Variants in TBC1D21 observed in about 807,000 individuals in gnomAD.
The protein encoded by TBC1D21 is male germ cell Rab GTPase-activating protein.
TBC1D21 carries 38 observed loss-of-function variants against 46.0 expected under a neutral mutation model. The ratio of observed to expected loss-of-function variants is 0.83; its 90% confidence interval spans 0.64 to 1.08. TBC1D21 has a LOEUF of 1.08. Ranked by LOEUF, TBC1D21 falls within the 50% of genes least tolerant of loss-of-function variation. The pLI is 0.00. For synonymous variants in TBC1D21, 151 were observed against 157.2 expected (o/e 0.96, Z 0.29); for missense variants, 415 against 417.9 (o/e 0.99, Z 0.06).
intron 1 of TBC1D21, among the ~76,000 whole-genome samples, chr15:73,877,253 T>C (rs1056851847): frequency 2.0e-5 from 3 of 152,220 alleles, no homozygotes; most frequent in African/African-American, 7.2e-5. Context: ...TATACTTTTA[T>C]TAATTCCTTG....
intron 10 of TBC1D21, 26 bp downstream of exon 10, chr15:73,888,539 C>G (rs943869114): frequency 3.4e-6 from 5 of 1,462,546 alleles, no homozygotes; most frequent in African/African-American, 2.2e-5. Context: ...GATGTGTCCT[C>G]CTCCTCCTCT....
chr15:73,874,049 T>C (rs549165557), intron 1 of TBC1D21, among the ~76,000 whole-genome samples: 1 of 152,364 alleles, frequency 6.6e-6, no homozygotes, highest in South Asian at 2.1e-4. Flanking sequence ...AAGATGCTGA[T>C]AGATTTTCAT....
intron 1 of TBC1D21, among the ~76,000 whole-genome samples, chr15:73,880,718 C>A (rs2068138860): frequency 6.6e-6 from 1 of 151,798 alleles, no homozygotes; most frequent in South Asian, 2.1e-4. Flanking sequence ...TTGCAGTGAG[C>A]CGAGATCCAC....
In TBC1D21 at chr15:73,886,585, C is replaced by T. The variant is rs1463821425; in HGVS notation, c.750C>T (p.Ser250=). The change falls in exon 8 of 11, where the codon TCC becomes TCT. Residue 250 remains serine (S), a synonymous_variant. Coordinates refer to ENST00000300504, the MANE Select transcript of TBC1D21 (RefSeq NM_153356.3). ...FCFCFQRAFK[S]FDDVWRLWEV... ...TCTGCTTCCAGCGTGCCTTCAAGTC[C>T]TTCGATGATGTCTGGAGGCTCTGGG... 6.2e-7 allele frequency: 1 copy of T among 1,613,500 alleles called. No individual in the cohort carries two copies. Among genetic ancestry groups the T allele is most frequent in the African/African-American group, 1.3e-5 (1 of 74,912 alleles).
chr15:73,881,355 G>A (rs374388553), intron 1 of TBC1D21, 44 bp from the exon 2 acceptor site: 8 of 1,454,480 alleles, frequency 5.5e-6, no homozygotes, highest in South Asian at 2.3e-5. Flanking sequence ...CTTAAAAGCC[G>A]AAGCCTTCTA....
At chr15:73,889,033 C>A in intron 10 of TBC1D21, 36 bp from the exon 11 acceptor site, 1 of 1,611,206 alleles carries the variant, frequency 6.2e-7, no homozygotes. Context: ...AGGGACAGAC[C>A]AATGTCTGTG....
intron 1 of TBC1D21, among the ~76,000 whole-genome samples, chr15:73,876,577 G>A (rs576346991): frequency 1.3e-5 from 2 of 151,844 alleles, no homozygotes; most frequent in Non-Finnish European, 2.9e-5. Context: ...ATTCAACCAC[G>A]GCAAAGTAGG....
chr15:73,888,890 C>T (rs889347197), intron 10 of TBC1D21, among the ~76,000 whole-genome samples, 179 bp from the exon 11 acceptor site: 3 of 152,208 alleles, frequency 2.0e-5, no homozygotes, highest in African/African-American at 7.2e-5. Context: ...GCACATGTAG[C>T]TCCTTCCTCC....
At chr15:73,885,528 C>T (rs1318197866) in intron 6 of TBC1D21, among the ~76,000 whole-genome samples, 23 of 152,080 alleles carry the variant, frequency 1.5e-4, no homozygotes, top group Admixed American at 1.5e-3. Flanking sequence ...TCCAGGCACA[C>T]CAGGGGACTC....
chr15:73,905,658 AT>A, the TBC1D21 span, among the ~76,000 whole-genome samples: 2 of 152,056 alleles, frequency 1.3e-5, no homozygotes, highest in African/African-American at 4.8e-5. Flanking sequence ...AAACCAGGGC[AT>A]TTTTTTTCTT....
At chr15:73,893,947 A>G (rs1343079052), downstream of TBC1D21, among the ~76,000 whole-genome samples, 1 of 152,164 alleles carries the variant, frequency 6.6e-6, no homozygotes, top group Non-Finnish European at 1.5e-5. Flanking sequence ...TGGGTAATTA[A>G]TATGTTCCAC....
rs572097066 is a variant in TBC1D21 at position 73,885,446 on chromosome 15, C to T, written c.579+343C>T. Among the ~76,000 whole-genome samples, 7 of 152,290 alleles carry T rather than the reference C, an allele frequency of 4.6e-5. No individual in the cohort carries two copies. The East Asian group carries it at 1.4e-3, about 29-fold the overall frequency. ...TCGCTGCTTCTTCCTCAATGGCTCC[C>T]TGTGGCCTCCAGAATAAAATCCAAT... On this transcript the variant is annotated intron_variant, in intron 6 of 10. Coordinates refer to ENST00000300504, the MANE Select transcript of TBC1D21 (RefSeq NM_153356.3).
chr15:73,898,863 CAAAAAA>C, the TBC1D21 span, among the ~76,000 whole-genome samples: 1 of 24,112 alleles, frequency 4.1e-5, no homozygotes, highest in Non-Finnish European at 8.9e-5. Flanking sequence ...GACTCCATCT[CAAAAAA>C]AAAAAAAAAA....
At chr15:73,876,414 G>A (rs11396529) in intron 1 of TBC1D21, among the ~76,000 whole-genome samples, 1 of 67,336 alleles carries the variant, frequency 1.5e-5, no homozygotes, top group East Asian at 3.7e-4. Flanking sequence ...TTTTTTTTTT[G>A]TATTTTTTTT....
rs2068057275 is a variant in TBC1D21 at position 73,876,199 on chromosome 15, G to GGTGTTTTTTT, written c.60+2430_60+2431insGTGTTTTTTT. 7.8e-4 allele frequency among the ~76,000 whole-genome samples: 22 copies of GGTGTTTTTTT among 28,326 alleles called. 7 individuals are homozygous for GGTGTTTTTTT. Among genetic ancestry groups the GGTGTTTTTTT allele is most frequent in the South Asian group, 2.1e-3 (2 of 960 alleles). The allele number at this position is 28,326 out of a possible 152,430, so 18.6% of individuals were successfully genotyped here. ...GAAGAATCAGTGACTTTTTTTGTGG[G>GGTGTTTTTTT]TTTTTTTTTTTTTTTTTTTTTTTTT... is the stretch of plus-strand genomic sequence containing the variant. On this transcript the variant is annotated intron_variant, in intron 1 of 10. Coordinates refer to ENST00000300504, the MANE Select transcript of TBC1D21 (RefSeq NM_153356.3).
chr15:73,893,925 A>T (rs971671403), downstream of TBC1D21, among the ~76,000 whole-genome samples: 1 of 152,166 alleles, frequency 6.6e-6, no homozygotes, highest in Non-Finnish European at 1.5e-5. Context: ...ATTATACAGA[A>T]GCTGTACTAA....
intron 1 of TBC1D21, 116 bp downstream of exon 1, chr15:73,873,885 A>T (rs2068012385): frequency 1.6e-6 from 2 of 1,232,622 alleles, no homozygotes; most frequent in Non-Finnish European, 2.3e-6. Context: ...TAGAAGGTGG[A>T]GCAAGGGCGG....
Position 73,889,166 on chromosome 15 carries a change from G to A in TBC1D21, c.*65G>A, listed in dbSNP as rs2068315009. ...CAGGATGAAGGCCAGGGGCACTGGA[G>A]TGAGGGAGTAGATAAAACAGCTGCA... is the stretch of plus-strand genomic sequence containing the variant. On this transcript the variant is annotated 3_prime_UTR_variant, in exon 11 of 11. Coordinates refer to ENST00000300504, the MANE Select transcript of TBC1D21 (RefSeq NM_153356.3). 10 of 1,557,182 alleles carry A rather than the reference G, an allele frequency of 6.4e-6. No individual in the cohort carries two copies. The South Asian group carries it at 1.0e-4, about 16-fold the overall frequency.
At chr15:73,894,059 T>C (rs2068357345), downstream of TBC1D21, among the ~76,000 whole-genome samples, 1 of 152,232 alleles carries the variant, frequency 6.6e-6, no homozygotes. Flanking sequence ...GGTGCAGTCA[T>C]TACCCTCTCA....
Sources: allele counts gnomAD v4.1 joint callset (sites outside exome capture counted in the v4.1 genomes callset), GRCh38; gene constraint gnomAD v4.1.1; transcripts MANE v1.5; gene names NCBI Gene and HGNC (gene_info 2026-07-23, HGNC 2026-07-21).